Variants in DGKB observed in about 807,000 individuals in gnomAD.
DGKB encodes the protein 90 kDa diacylglycerol kinase.
DGKB carries 67 observed loss-of-function variants against 114.3 expected under a neutral mutation model. The observed-to-expected ratio is 0.59, with a 90% confidence interval of 0.48 to 0.72. DGKB has a LOEUF of 0.72. Among genes scored for constraint, DGKB ranks in the 30% least tolerant of loss-of-function variants. The pLI is 0.00. For synonymous variants in DGKB, 398 were observed against 323.1 expected (o/e 1.23, Z -2.49); for missense variants, 907 against 975.2 (o/e 0.93, Z 0.93).
intron 21 of DGKB, among the ~76,000 whole-genome samples, chr7:14,417,840 T>G (rs1219110268): frequency 6.6e-6 from 1 of 151,760 alleles, no homozygotes; most frequent in East Asian, 1.9e-4. Context: ...TTCAGGATAT[T>G]TGAGGGTTTA....
chr7:14,859,881 C>A (rs1392913634), intron 1 of DGKB, among the ~76,000 whole-genome samples: 1 of 152,072 alleles, frequency 6.6e-6, no homozygotes, highest in African/African-American at 2.4e-5. Context: ...TAATACACAA[C>A]ATGGGCAGTT....
intron 13 of DGKB, among the ~76,000 whole-genome samples, chr7:14,660,263 G>C (rs1398801574): frequency 6.6e-6 from 1 of 151,828 alleles, no homozygotes; most frequent in Non-Finnish European, 1.5e-5. Context: ...GAGTTAGGGA[G>C]GATTCCCTCT....
chr7:14,935,672 G>A (rs547046783), intron 1 of DGKB, among the ~76,000 whole-genome samples: 21 of 152,052 alleles, frequency 1.4e-4, no homozygotes, highest in African/African-American at 3.9e-4. Context: ...CTTTACAGAC[G>A]AATTACATTG....
In DGKB at chr7:14,729,208, C is replaced by T. The variant is rs188556645; in HGVS notation, c.322+6833G>A. 4.0e-3 allele frequency among the ~76,000 whole-genome samples: 594 copies of T among 148,430 alleles called. 5 individuals carry two copies. The highest frequency in any genetic ancestry group is 1.0e-2 in the African/African-American group (395 of 39,632). ...CGCCATCTCGGCTCACTGCAAGCTC[C>T]GCCTCCTGGGTTCACGCCATTCTCC... is the stretch of plus-strand genomic sequence containing the variant. On this transcript the variant is annotated intron_variant, in intron 5 of 25. Coordinates refer to ENST00000402815, the MANE Select transcript of DGKB (RefSeq NM_001350709.2).
At chr7:14,173,894 A>G (rs563895187) in intron 25 of DGKB, among the ~76,000 whole-genome samples, 1 of 152,328 alleles carries the variant, frequency 6.6e-6, no homozygotes, top group Non-Finnish European at 1.5e-5. Context: ...GAAAATTAAT[A>G]TAAGTTACAT....
chr7:14,171,938 G>A (rs1781060743), intron 25 of DGKB, among the ~76,000 whole-genome samples: 1 of 152,168 alleles, frequency 6.6e-6, no homozygotes, highest in Non-Finnish European at 1.5e-5. Context: ...TCTAAAAGGA[G>A]CTGGACATAT....
intron 25 of DGKB, among the ~76,000 whole-genome samples, chr7:14,150,063 T>C (rs999718934): frequency 2.0e-5 from 3 of 152,152 alleles, no homozygotes; most frequent in African/African-American, 7.2e-5. Flanking sequence ...AAGTGGCATT[T>C]TGTCTGTGAC....
chr7:14,305,128 G>C (rs1804252032), intron 23 of DGKB, among the ~76,000 whole-genome samples: 1 of 152,064 alleles, frequency 6.6e-6, no homozygotes, highest in African/African-American at 2.4e-5. Flanking sequence ...GTTCCTTTGT[G>C]TGGGGAACAT....
intron 21 of DGKB, among the ~76,000 whole-genome samples, chr7:14,454,878 C>T (rs1301776875): frequency 1.3e-5 from 2 of 151,874 alleles, no homozygotes; most frequent in Non-Finnish European, 2.9e-5. Flanking sequence ...GTATAACAAT[C>T]CTGAGAACTA....
chr7:14,500,406 T>C (rs1466945232), intron 20 of DGKB, among the ~76,000 whole-genome samples: 1 of 151,714 alleles, frequency 6.6e-6, no homozygotes, highest in Non-Finnish European at 1.5e-5. Context: ...CATTGAACCC[T>C]TATTCTATGT....
At chr7:14,832,115 A>C (rs991222134) in intron 2 of DGKB, among the ~76,000 whole-genome samples, 3 of 152,096 alleles carry the variant, frequency 2.0e-5, no homozygotes, top group Non-Finnish European at 2.9e-5. Flanking sequence ...GGGTCTTATA[A>C]CGACCTTTGA....
chr7:14,634,781 T>C (rs2128858701), intron 13 of DGKB, among the ~76,000 whole-genome samples: 1 of 151,762 alleles, frequency 6.6e-6, no homozygotes, highest in East Asian at 1.9e-4. Context: ...TTACATATAT[T>C]TTTGGCTTCC....
intron 1 of DGKB, among the ~76,000 whole-genome samples, chr7:14,851,546 T>C (rs1849352676): frequency 1.3e-5 from 2 of 152,170 alleles, no homozygotes; most frequent in Admixed American, 6.5e-5. Flanking sequence ...GATGATACGA[T>C]ACCTTTCATC....
intron 5 of DGKB, among the ~76,000 whole-genome samples, chr7:14,721,074 C>T (rs910274285): frequency 2.6e-5 from 4 of 152,116 alleles, no homozygotes; most frequent in Non-Finnish European, 5.9e-5. Flanking sequence ...ATGTTTCCCC[C>T]TGTGGTACTG....
chr7:14,255,140 TC>T (rs1795778070), intron 23 of DGKB, among the ~76,000 whole-genome samples: 1 of 152,212 alleles, frequency 6.6e-6, no homozygotes. Context: ...AAAGCAACTT[TC>T]TTAAAACTGT....
rs370750527 is a variant in DGKB, at chr7:14,921,474, A to C, written c.-188+53222T>G. 2.6e-5 allele frequency among the ~76,000 whole-genome samples: 4 copies of C among 152,298 alleles called. No individual in the cohort carries two copies. The East Asian group carries it at 7.7e-4, about 29-fold the overall frequency. The stretch of plus-strand genomic sequence containing the variant: ...CATCATTAGAAAAATAACATAACCC[A>C]TGTGAAAAATGTAAGTTGTTTGTGT... On this transcript the variant is annotated intron_variant, in intron 1 of 4. Transcript: ENST00000437998.
At chr7:14,541,492 G>A (rs1488682744) in intron 20 of DGKB, among the ~76,000 whole-genome samples, 1 of 152,122 alleles carries the variant, frequency 6.6e-6, no homozygotes, top group Non-Finnish European at 1.5e-5. Context: ...TCACTGAAAT[G>A]CCACCACAAA....
At chr7:14,212,412 A>T (rs1788224572) in intron 23 of DGKB, among the ~76,000 whole-genome samples, 1 of 56,656 alleles carries the variant, frequency 1.8e-5, no homozygotes, top group African/African-American at 5.4e-5. Flanking sequence ...TTGTGATTTT[A>T]CTCTCGTGTT....
At position 14,145,089 on chromosome 7, in the gene DGKB, A is replaced by G. The variant is rs1035426793; in HGVS notation, c.*4042T>C. ...TTTATTTCAAAAAACAGGATATTGT[A>G]TATATCATTTCTGAGAAAATAATTA... is the stretch of plus-strand genomic sequence containing the variant. On this transcript the variant is annotated 3_prime_UTR_variant, in exon 26 of 26. Transcript: ENST00000402815. The G allele has an allele frequency of 6.6e-6, 1 of 152,188 alleles. No homozygotes were observed. Among genetic ancestry groups the G allele is most frequent in the African/African-American group, 2.4e-5 (1 of 41,446 alleles). The allele number at this position is 152,188 out of a possible 1,614,324, so 9.4% of individuals were successfully genotyped here. A position where few individuals can be genotyped will look rare whatever the true frequency, so the allele number is the denominator to read the frequency against.
Sources: gnomAD v4.1 joint callset for allele counts (sites outside exome capture counted in the v4.1 genomes callset) on GRCh38, gnomAD v4.1.1 for gene constraint, MANE v1.5 for transcripts, NCBI Gene and HGNC (gene_info 2026-07-23, HGNC 2026-07-21) for gene names.